The following CUEDC2 variants were observed in gnomAD, a reference collection of about 807,000 sequenced individuals.
The protein encoded by CUEDC2 is CUE domain-containing protein 2.
CUEDC2 carries 10 observed loss-of-function variants against 36.0 expected under a neutral mutation model. The observed-to-expected ratio is 0.28, with a 90% CI of 0.17 to 0.47. CUEDC2 has a LOEUF of 0.47. Ranked by LOEUF, CUEDC2 falls within the 20% of genes least tolerant of loss-of-function variation. CUEDC2 has a pLI of 0.99. For missense variants in CUEDC2, 269 were observed against 368.1 expected (o/e 0.73, Z 2.20); for synonymous variants, 133 against 141.8 (o/e 0.94, Z 0.44).
chr10:102,427,549 T>C (rs977952864), intron 1 of CUEDC2, among the ~76,000 whole-genome samples: 4 of 152,154 alleles, frequency 2.6e-5, no homozygotes, highest in African/African-American at 9.7e-5. Flanking sequence ...CTGGGAAATA[T>C]CCTTGACACC....
intron 1 of CUEDC2, among the ~76,000 whole-genome samples, chr10:102,431,828 C>T (rs540220179): frequency 2.6e-5 from 4 of 152,134 alleles, no homozygotes; most frequent in Non-Finnish European, 4.4e-5. Context: ...CAGGCCTGGA[C>T]CCTCCAGATG....
Position 102,424,311 on chromosome 10 carries a change from C to A in CUEDC2, c.364G>T (p.Glu122Ter). Residue 122 changes from glutamate to a stop codon, truncating the protein, a stop_gained, in exon 5 of 9, where the codon GAA (glutamate) becomes TAA (stop). Transcript: ENST00000369937. LOFTEE classifies it high-confidence loss of function. This position sits in a 1 kb window ranked among gnomAD's most constrained non-coding sequence, Gnocchi z 4.2. ...EPLQRPEMLK[E>*]ETRSSAAAAA... is the part of the protein sequence containing the mutation. Reference sequence around the variant, plus strand: ...GCAGCAGCCGAAGACCTAGTCTCTTCTTTGAGCATTTCGGGCCGCTGCAGG... The same window carrying A: ...GCAGCAGCCGAAGACCTAGTCTCTTATTTGAGCATTTCGGGCCGCTGCAGG... 6.2e-7 allele frequency: 1 copy of A among 1,614,188 alleles called. No individual in the cohort carries two copies. Among genetic ancestry groups the A allele is most frequent in the Non-Finnish European group, 8.5e-7 (1 of 1,180,022 alleles).
In CUEDC2 at chr10:102,424,346, G is replaced by A. The variant is rs1269515143; in HGVS notation, c.329C>T (p.Ser110Phe). Residue 110 changes from serine (S) to phenylalanine (F), a missense_variant, in exon 5 of 9, where the codon TCC becomes TTC. By Grantham distance (155) the Ser-to-Phe change is radical. Transcript: ENST00000369937. This position sits in a 1 kb window ranked among gnomAD's most constrained non-coding sequence, Gnocchi z 4.2. ...TTCGGGCCGCTGCAGGGGCTCTGGG[G>A]AGATGGGCACCTGACCTTGGACACC... ...SSGVQGQVPI[S>F]PEPLQRPEML... 1.2e-6 allele frequency: 2 copies of A among 1,614,038 alleles called. No individual in the cohort carries two copies. Among genetic ancestry groups the A allele is most frequent in the African/African-American group, 1.3e-5 (1 of 74,918 alleles).
In CUEDC2 at chr10:102,425,120, G is replaced by T; in HGVS notation, c.69C>A (p.Asp23Glu). ...AFVQTHLPEADLSGLDEVIFS... is the reference protein window; with the variant it reads ...AFVQTHLPEAELSGLDEVIFS... ...TCCGGGGGACCCGTCTCTACCTGAGGTCGGCCTCCGGGAGGTGTGTCTGGA... is the reference window on the plus strand; with the variant it reads ...TCCGGGGGACCCGTCTCTACCTGAGTTCGGCCTCCGGGAGGTGTGTCTGGA... Residue 23 changes from aspartate to glutamate, a missense_variant, in exon 2 of 9, where the codon GAC becomes GAA. By Grantham distance (45) the Asp-to-Glu change is conservative (BLOSUM62 2). Coordinates refer to ENST00000369937, the MANE Select transcript of CUEDC2 (RefSeq NM_024040.3). The T allele has an allele frequency of 6.2e-7, 1 of 1,613,550 alleles. No individual in the cohort carries two copies. The highest frequency in any genetic ancestry group is 1.1e-5 in the South Asian group (1 of 91,076).
At chr10:102,429,037 A>AG (rs71016379) in intron 1 of CUEDC2, among the ~76,000 whole-genome samples, 3 of 149,176 alleles carry the variant, frequency 2.0e-5, no homozygotes, top group Non-Finnish European at 3.0e-5. Context: ...AAAAAAAAAA[A>AG]GAAAAGAAAA....
chr10:102,427,063 CA>C (rs887563507), intron 1 of CUEDC2, among the ~76,000 whole-genome samples: 5 of 150,406 alleles, frequency 3.3e-5, no homozygotes, highest in Admixed American at 6.6e-5. Flanking sequence ...TTTTGATCTA[CA>C]AAAAAAAAGG....
intron 1 of CUEDC2, among the ~76,000 whole-genome samples, chr10:102,426,472 A>G (rs1243459261): frequency 1.3e-5 from 2 of 152,150 alleles, no homozygotes; most frequent in African/African-American, 4.8e-5. Context: ...CAGCTGCCAA[A>G]GCTGAAACCT....
Position 102,424,474 on chromosome 10 carries a change from C to T in CUEDC2, c.280+25G>A. 6.2e-7 allele frequency: 1 copy of T among 1,614,104 alleles called. No individual in the cohort carries two copies. Among genetic ancestry groups the T allele is most frequent in the Non-Finnish European group, 8.5e-7 (1 of 1,179,998 alleles). ...TGGGGGAGCGGGATTATGAATCACT[C>T]AGGTGCCCAGAGCCCCAGACTCACC... On this transcript the variant is annotated intron_variant, in intron 4 of 8. Coordinates refer to ENST00000369937, the MANE Select transcript of CUEDC2 (RefSeq NM_024040.3). The surrounding 1 kb of genome is among the most constrained non-coding windows in gnomAD (Gnocchi z 4.2).
At chr10:102,425,047 AC>A in intron 2 of CUEDC2, 67 bp downstream of exon 2, 1 of 1,349,132 alleles carries the variant, frequency 7.4e-7, no homozygotes, top group African/African-American at 1.4e-5. Flanking sequence ...ATCAGCCAGT[AC>A]CCATAGTACT....
At position 102,430,350 on chromosome 10, in the gene CUEDC2, G is replaced by A. The variant is rs1417449137; in HGVS notation, c.-11+2176C>T. The stretch of plus-strand genomic sequence containing the variant: ...ATGCTCGGCTAATTTTGTATTTTTA[G>A]TAGAGACAGGGTTTCTCCATGTTGG... On this transcript the variant is annotated intron_variant, in intron 1 of 8. Transcript: ENST00000369937. 2.6e-5 allele frequency among the ~76,000 whole-genome samples: 4 copies of A among 151,224 alleles called. No individual in the cohort carries two copies. In the East Asian group the frequency reaches 7.8e-4, roughly 30 times the overall value.
In CUEDC2 at chr10:102,423,966, T is replaced by C; in HGVS notation, c.594+30A>G. 6.2e-7 allele frequency: 1 copy of C among 1,610,204 alleles called. No individual in the cohort carries two copies. The highest frequency in any genetic ancestry group is 8.5e-7 in the Non-Finnish European group (1 of 1,178,164). ...CACCAAGGTGGAATGTAGCTGAGGC[T>C]ACATGGTAGAGGGTGCTGGGAAAAG... On this transcript the variant is annotated intron_variant, in intron 6 of 8. Coordinates refer to ENST00000369937, the MANE Select transcript of CUEDC2 (RefSeq NM_024040.3). The surrounding 1 kb of genome is among the most constrained non-coding windows in gnomAD (Gnocchi z 5.6).
rs775796843 is a variant in CUEDC2 at position 102,424,416 on chromosome 10, T to A, written c.281-22A>T. 6.2e-7 allele frequency: 1 copy of A among 1,613,772 alleles called. No individual in the cohort carries two copies. The highest frequency in any genetic ancestry group is 2.2e-5 in the East Asian group (1 of 44,878). ...TTCTCTTAAAGAGGCAAAGAGAGCA[T>A]CAGGTTTGCCAAGGCTCTGGGGAGC... On this transcript the variant is annotated intron_variant, in intron 4 of 8. Coordinates refer to ENST00000369937, the MANE Select transcript of CUEDC2 (RefSeq NM_024040.3). The surrounding 1 kb of genome is among the most constrained non-coding windows in gnomAD (Gnocchi z 4.2).
At chr10:102,430,131 CTT>C (rs10654228) in intron 1 of CUEDC2, among the ~76,000 whole-genome samples, 1 of 137,538 alleles carries the variant, frequency 7.3e-6, no homozygotes, top group African/African-American at 2.7e-5. Flanking sequence ...CCCAGGTTTT[CTT>C]TTTTTTTTTT....
Position 102,423,734 on chromosome 10 carries a change from G to C in CUEDC2, c.657-17C>G, listed in dbSNP as rs778547720. On this transcript the variant is annotated splice_polypyrimidine_tract_variant and intron_variant, in intron 7 of 8. Coordinates refer to ENST00000369937, the MANE Select transcript of CUEDC2 (RefSeq NM_024040.3). This position sits in a 1 kb window ranked among gnomAD's most constrained non-coding sequence, Gnocchi z 5.6. ...ATCATGTACCTGTCAAAAACTGGCT[G>C]GGTGAAGCTCCTGTCACCCTGGGAA... 1.9e-6 allele frequency: 3 copies of C among 1,614,126 alleles called. No individual in the cohort carries two copies. Among genetic ancestry groups the C allele is most frequent in the Non-Finnish European group, 2.5e-6 (3 of 1,180,006 alleles).
Position 102,423,969 on chromosome 10 carries a change from A to G in CUEDC2, c.594+27T>C, listed in dbSNP as rs766365536. ...CAAGGTGGAATGTAGCTGAGGCTAC[A>G]TGGTAGAGGGTGCTGGGAAAAGATA... On this transcript the variant is annotated intron_variant, in intron 6 of 8. Coordinates refer to ENST00000369937, the MANE Select transcript of CUEDC2 (RefSeq NM_024040.3). The surrounding 1 kb of genome is among the most constrained non-coding windows in gnomAD (Gnocchi z 5.6). The G allele has an allele frequency of 2.0e-5, 32 of 1,610,618 alleles. No homozygotes were observed. The highest frequency in any genetic ancestry group is 2.7e-5 in the African/African-American group (2 of 74,864).
At chr10:102,429,117 T>C (rs897283735) in intron 1 of CUEDC2, among the ~76,000 whole-genome samples, 4 of 152,146 alleles carry the variant, frequency 2.6e-5, no homozygotes, top group Non-Finnish European at 5.9e-5. Flanking sequence ...TAGAACTCAT[T>C]TGGGCCCTGC....
Position 102,425,201 on chromosome 10 carries a change from G to T in CUEDC2, c.-10-3C>A. The T allele has an allele frequency of 6.2e-7, 1 of 1,611,414 alleles. No homozygotes were observed. On this transcript the variant is annotated splice_region_variant and splice_polypyrimidine_tract_variant and intron_variant, in intron 1 of 8. Transcript: ENST00000369937. ...TCTCCAGCTCCATGCTCTCTCTTCT[G>T]AAGGGACACAGACAGGATGGCCAGG...
rs1177735968 is a variant in CUEDC2 at position 102,424,765 on chromosome 10, A to T, written c.102T>A (p.Tyr34Ter). The stretch of plus-strand genomic sequence containing the variant: ...CCAGGTCCTCCAGGACCCCAAGCAC[A>T]TAGGAGAAGATGACCTCATCCAAGC... ...LSGLDEVIFS[Y>*]VLGVLEDLGP... The change falls in exon 3 of 9, where the codon TAT becomes TAA. Residue 34 changes from tyrosine (Y) to a stop codon, truncating the protein, a stop_gained. Coordinates refer to ENST00000369937, the MANE Select transcript of CUEDC2 (RefSeq NM_024040.3). LOFTEE classifies it high-confidence loss of function. The surrounding 1 kb of genome is among the most constrained non-coding windows in gnomAD (Gnocchi z 4.2). 1 of 1,613,766 alleles carries T rather than the reference A, an allele frequency of 6.2e-7. No individual in the cohort carries two copies. The highest frequency in any genetic ancestry group is 8.5e-7 in the Non-Finnish European group (1 of 1,179,976).
intron 1 of CUEDC2, among the ~76,000 whole-genome samples, chr10:102,427,702 T>A (rs1471194644): frequency 6.6e-6 from 1 of 152,062 alleles, no homozygotes; most frequent in East Asian, 1.9e-4. Context: ...CCCCACTCCA[T>A]CTTCCCCCCA....
Sources: allele counts gnomAD v4.1 joint callset (sites outside exome capture counted in the v4.1 genomes callset), GRCh38; gene constraint gnomAD v4.1.1; non-coding constraint Gnocchi (gnomAD v3.1); transcripts MANE v1.5; gene names NCBI Gene and HGNC (gene_info 2026-07-23, HGNC 2026-07-21).